ZNF429: variants seen among roughly 807,000 people sequenced by gnomAD.
ZNF429 encodes zinc finger protein 429.
A neutral mutation model predicts 56.8 loss-of-function variants in ZNF429; 53 were observed. The observed-to-expected ratio is 0.93, with a 90% confidence interval of 0.75 to 1.17. The LOEUF is 1.17. Among genes scored for constraint, ZNF429 ranks in the 50% most tolerant of loss-of-function variants. The pLI is 0.00. For missense variants in ZNF429, 849 were observed against 788.4 expected (o/e 1.08, Z -0.92); for synonymous variants, 278 against 264.7 (o/e 1.05, Z -0.49).
intron 1 of ZNF429, among the ~76,000 whole-genome samples, chr19:21,524,861 G>A (rs1224873101): frequency 6.6e-6 from 1 of 152,178 alleles, no homozygotes; most frequent in African/African-American, 2.4e-5. Context: ...CCTCATACAA[G>A]AGATGTGTTT....
intron 1 of ZNF429, among the ~76,000 whole-genome samples, chr19:21,525,846 A>T (rs1472876908): frequency 6.7e-6 from 1 of 149,234 alleles, no homozygotes; most frequent in Admixed American, 6.7e-5. Flanking sequence ...TTATTTTTTA[A>T]AAATCAATGA....
At chr19:21,506,786 T>TTTTTG (rs2032190619) in intron 1 of ZNF429, among the ~76,000 whole-genome samples, 1 of 143,732 alleles carries the variant, frequency 7.0e-6, no homozygotes, top group Non-Finnish European at 1.5e-5. Flanking sequence ...TTTTTTTTTT[T>TTTTTG]GAGATGGAGT....
chr19:21,531,481 G>T, intron 3 of ZNF429, among the ~76,000 whole-genome samples: 1 of 152,046 alleles, frequency 6.6e-6, no homozygotes, highest in Non-Finnish European at 1.5e-5. Context: ...TATAGTACTG[G>T]AAGTATGTGG....
In ZNF429 at chr19:21,505,645, C is replaced by A; in HGVS notation, c.-127C>A. 5 of 996,400 alleles carry A rather than the reference C, an allele frequency of 5.0e-6. No homozygotes were observed. Among genetic ancestry groups the A allele is most frequent in the Non-Finnish European group, 7.3e-6 (5 of 688,012 alleles). The allele number at this position is 996,400 out of a possible 1,614,324, so 61.7% of individuals were successfully genotyped here. ...CGGGGCGTTTGGCTCTTGCTGCAGC[C>A]AGAGCTCCAGGTCTCGTCTTCATTT... On this transcript the variant is annotated 5_prime_UTR_variant, in exon 1 of 4. Coordinates refer to ENST00000358491, the MANE Select transcript of ZNF429 (RefSeq NM_001001415.4).
chr19:21,532,248 T>G, intron 3 of ZNF429, among the ~76,000 whole-genome samples: 2 of 12,332 alleles, frequency 1.6e-4, no homozygotes, highest in Non-Finnish European at 4.7e-4. Flanking sequence ...ATTTCAGTGT[T>G]TTTTTTTTCA....
At position 21,538,295 on chromosome 19, in the gene ZNF429, A is replaced by AAG. The variant is rs1555748872; in HGVS notation, c.*218_*219insGA. On this transcript the variant is annotated 3_prime_UTR_variant, in exon 4 of 4. Coordinates refer to ENST00000358491, the MANE Select transcript of ZNF429 (RefSeq NM_001001415.4). ...TCCATCTCAAAAAAAAAAAAAAAAA[A>AAG]AAAAGAAAAGAAAATTCATAGGCCA... 3.5e-5 allele frequency among the ~76,000 whole-genome samples: 5 copies of AAG among 141,540 alleles called. No individual in the cohort carries two copies. The highest frequency in any genetic ancestry group is 2.3e-4 in the South Asian group (1 of 4,410). 92.9% of individuals were successfully genotyped at this position (141,540 alleles called of 152,430 possible).
At chr19:21,533,169 G>A in intron 3 of ZNF429, among the ~76,000 whole-genome samples, 2 of 151,916 alleles carry the variant, frequency 1.3e-5, no homozygotes, top group African/African-American at 4.8e-5. Flanking sequence ...AGGTGATTTT[G>A]GTTTTCATTG....
chr19:21,525,035 T>C (rs1361638700), intron 1 of ZNF429, among the ~76,000 whole-genome samples: 8 of 152,156 alleles, frequency 5.3e-5, no homozygotes. Context: ...ACTCTTGGTT[T>C]AGACTATCAA....
rs568675273 is a variant in ZNF429, at chr19:21,537,842, G to T, written c.1789G>T (p.Glu597Ter). The T allele has an allele frequency of 6.2e-7, 1 of 1,613,638 alleles. No homozygotes were observed. Among genetic ancestry groups the T allele is most frequent in the East Asian group, 2.2e-5 (1 of 44,874 alleles). The change falls in exon 4 of 4, where the codon GAA (glutamate) becomes TAA (stop). Residue 597 changes from glutamate to a stop codon, truncating the protein, a stop_gained. Transcript: ENST00000358491. LOFTEE classifies it high-confidence loss of function. ...TGGAGAGAAACCCTACAAATGTGAA[G>T]AATGTGGCAAAGCTTTTAATCGGTC... ...HSGEKPYKCE[E>*]CGKAFNRSSR...
intron 1 of ZNF429, chr19:21,518,640 C>T (rs1039944351): frequency 3.4e-5 from 5 of 148,804 alleles, no homozygotes; most frequent in East Asian, 2.0e-4. Flanking sequence ...GCAACTTCCA[C>T]CTCCCGGGTT....
At chr19:21,511,950 G>T (rs1215685881) in intron 1 of ZNF429, among the ~76,000 whole-genome samples, 3 of 152,086 alleles carry the variant, frequency 2.0e-5, no homozygotes, top group Non-Finnish European at 4.4e-5. Flanking sequence ...GGCGGTGCGC[G>T]CCTGGAATCG....
At chr19:21,526,118 A>G (rs1402564126) in intron 1 of ZNF429, among the ~76,000 whole-genome samples, 2 of 140,542 alleles carry the variant, frequency 1.4e-5, no homozygotes, top group Non-Finnish European at 3.1e-5. Flanking sequence ...TTATTTTACT[A>G]TTTTTTTCAG....
chr19:21,519,768 A>G (rs185921151), intron 1 of ZNF429, among the ~76,000 whole-genome samples: 4 of 152,182 alleles, frequency 2.6e-5, no homozygotes, highest in Non-Finnish European at 4.4e-5. Flanking sequence ...ACAGTGATCT[A>G]AGTGTCTGCG....
chr19:21,517,529 A>G (rs1368777007), intron 1 of ZNF429, among the ~76,000 whole-genome samples: 1 of 152,030 alleles, frequency 6.6e-6, no homozygotes, highest in East Asian at 1.9e-4. Context: ...TTCTTTGTAC[A>G]TCTAGTAGAA....
At chr19:21,512,874 TC>T (rs1453700902) in intron 1 of ZNF429, among the ~76,000 whole-genome samples, 1 of 151,178 alleles carries the variant, frequency 6.6e-6, no homozygotes, top group East Asian at 2.0e-4. Flanking sequence ...ACCATCTAAG[TC>T]TTTTTTTTTT....
intron 3 of ZNF429, among the ~76,000 whole-genome samples, chr19:21,531,136 A>AAAAAAAAAAC: frequency 1.5e-5 from 2 of 130,108 alleles, no homozygotes; most frequent in South Asian, 2.4e-4. Context: ...AAAACCAAAA[A>AAAAAAAAAAC]AAAAAAAACA....
At chr19:21,516,336 C>G (rs989134026) in intron 1 of ZNF429, among the ~76,000 whole-genome samples, 1 of 152,134 alleles carries the variant, frequency 6.6e-6, no homozygotes, top group African/African-American at 2.4e-5. Flanking sequence ...ATCCACCCGC[C>G]TCAGCCTCCC....
intron 3 of ZNF429, among the ~76,000 whole-genome samples, chr19:21,533,229 C>A: frequency 6.6e-6 from 1 of 151,714 alleles, no homozygotes; most frequent in African/African-American, 2.4e-5. Flanking sequence ...TTCTTAAATG[C>A]TTTTTTTCCA....
At chr19:21,518,096 ATCTTC>A (rs1273847388) in intron 1 of ZNF429, among the ~76,000 whole-genome samples, 6 of 152,206 alleles carry the variant, frequency 3.9e-5, no homozygotes, top group African/African-American at 1.4e-4. Context: ...GTTTATTTGA[ATCTTC>A]TCTTCTTACT....
Sources: gnomAD v4.1 joint callset for allele counts (sites outside exome capture counted in the v4.1 genomes callset) on GRCh38, gnomAD v4.1.1 for gene constraint, MANE v1.5 for transcripts, NCBI Gene and HGNC (gene_info 2026-07-23, HGNC 2026-07-21) for gene names.